The following ANO5 variants were observed in gnomAD, a reference collection of about 807,000 sequenced individuals.
The protein encoded by ANO5 is anoctamin-5.
Under a neutral mutation model 121.0 loss-of-function variants are expected in ANO5, and 109 were observed. The ratio of observed to expected loss-of-function variants is 0.90; its 90% CI spans 0.77 to 1.06. The LOEUF (loss-of-function observed/expected upper bound fraction) is 1.06. Ranked by LOEUF, ANO5 falls within the 50% of genes least tolerant of loss-of-function variation. The pLI, the probability that ANO5 is intolerant of heterozygous loss-of-function variation, is 0.00. For missense variants in ANO5, 1,064 were observed against 1,078.5 expected (o/e 0.99, Z 0.19); for synonymous variants, 406 against 359.9 (o/e 1.13, Z -1.45).
chr11:22,229,045 G>C (rs1221150055), intron 7 of ANO5, among the ~76,000 whole-genome samples: 1 of 151,686 alleles, frequency 6.6e-6, no homozygotes, highest in Non-Finnish European at 1.5e-5. Flanking sequence ...AATTTTTTGA[G>C]GACCGTCCAT....
At chr11:22,227,253 A>G in intron 6 of ANO5, 49 bp from the exon 7 acceptor site, 2 of 1,601,192 alleles carry the variant, frequency 1.2e-6, no homozygotes, top group African/African-American at 1.3e-5. Flanking sequence ...CAGCTCAATA[A>G]CAAACTGATC....
intron 18 of ANO5, 142 bp downstream of exon 18, chr11:22,270,584 T>C (rs1854573740): frequency 4.0e-6 from 5 of 1,239,094 alleles, no homozygotes; most frequent in Non-Finnish European, 5.7e-6. Flanking sequence ...TGGAGGGATA[T>C]AAAGAAAATT....
intron 8 of ANO5, among the ~76,000 whole-genome samples, chr11:22,239,250 G>A (rs1853340898): frequency 6.6e-6 from 1 of 152,064 alleles, no homozygotes; most frequent in African/African-American, 2.4e-5. Context: ...CTATCCAGCT[G>A]TATAGTGATA....
rs1554932860 is a variant in ANO5 at position 22,267,508 on chromosome 11, T to TTTTATATATATATATATATATATATATA, written c.1899-2803_1899-2802insTTATATATATATATATATATATATATAT. Among the ~76,000 whole-genome samples, 89 of 126,072 alleles carry TTTTATATATATATATATATATATATATA rather than the reference T, an allele frequency of 7.1e-4. 5 individuals are homozygous for TTTTATATATATATATATATATATATATA. The highest frequency in any genetic ancestry group is 4.0e-3 in the African/African-American group (86 of 21,510). 82.7% of individuals were successfully genotyped at this position (126,072 alleles called of 152,430 possible). A position where few individuals can be genotyped will look rare whatever the true frequency, so the allele number is the denominator to read the frequency against. Reference sequence around the variant, plus strand: ...CTACATACCATATAAATATCTACAATTATATATATATATATAAAATCTATC... The same window carrying TTTTATATATATATATATATATATATATA: ...CTACATACCATATAAATATCTACAATTTTATATATATATATATATATATATATATATATATATATATATAAAATCTATC... On this transcript the variant is annotated intron_variant, in intron 17 of 21. Transcript: ENST00000324559.
intron 3 of ANO5, among the ~76,000 whole-genome samples, chr11:22,217,817 A>G (rs1852499585): frequency 1.3e-5 from 2 of 151,964 alleles, no homozygotes; most frequent in Non-Finnish European, 2.9e-5. Flanking sequence ...AGGAAAAATA[A>G]CGACTGGGTA....
In ANO5 at chr11:22,279,979, C is replaced by G. The variant is rs1590342125; in HGVS notation, c.*214C>G. ...CTCTGCTTCATTGACTGGGCCCTCT[C>G]CAGATGTTGTTTTCTGAGGTGCTGT... On this transcript the variant is annotated 3_prime_UTR_variant, in exon 22 of 22. Coordinates refer to ENST00000324559, the MANE Select transcript of ANO5 (RefSeq NM_213599.3). The G allele has an allele frequency of 5.5e-6, 3 of 548,730 alleles. No homozygotes were observed. The East Asian group carries it at 9.3e-5, about 17-fold the overall frequency. The allele number at this position is 548,730 out of a possible 1,614,324, so 34.0% of individuals were successfully genotyped here.
intron 18 of ANO5, 54 bp downstream of exon 18, chr11:22,270,496 T>G: frequency 1.2e-6 from 2 of 1,606,608 alleles, no homozygotes; most frequent in Non-Finnish European, 1.7e-6. Context: ...GAGTGGTTTT[T>G]CAGCTCCAGA....
At chr11:22,255,149 A>T (rs1197615679) in intron 12 of ANO5, among the ~76,000 whole-genome samples, 1 of 152,152 alleles carries the variant, frequency 6.6e-6, no homozygotes, top group East Asian at 1.9e-4. Context: ...TGGACCACTG[A>T]CCAAGAAACT....
At chr11:22,213,243 C>A (rs1405114368) in intron 3 of ANO5, among the ~76,000 whole-genome samples, 1 of 151,808 alleles carries the variant, frequency 6.6e-6, no homozygotes, top group East Asian at 1.9e-4. Context: ...ATCCAGATTT[C>A]CTTAGTTTTC....
chr11:22,236,116 C>A, intron 7 of ANO5, 47 bp from the exon 8 acceptor site: 2 of 1,224,362 alleles, frequency 1.6e-6, no homozygotes, highest in Non-Finnish European at 2.4e-6. Flanking sequence ...ATGTGGAAAG[C>A]ATAAAGTTCT....
At chr11:22,218,830 T>C (rs1852547459) in intron 4 of ANO5, among the ~76,000 whole-genome samples, 1 of 152,054 alleles carries the variant, frequency 6.6e-6, no homozygotes, top group Non-Finnish European at 1.5e-5. Flanking sequence ...CTCAAAGTGC[T>C]GGGATTACAG....
At chr11:22,207,742 G>A (rs1852160883) in intron 2 of ANO5, among the ~76,000 whole-genome samples, 1 of 151,920 alleles carries the variant, frequency 6.6e-6, no homozygotes, top group Non-Finnish European at 1.5e-5. Context: ...TGAACAGACA[G>A]GCTACAGACT....
chr11:22,200,106 C>A lies in ANO5; in HGVS notation c.41-3698C>A, dbSNP rs553132758. On this transcript the variant is annotated intron_variant, in intron 1 of 21. Transcript: ENST00000324559. ...CATATTTCATTTTAAAATACCAAAACGTAATGCTAACATCATCACTGATCT... is the reference window on the plus strand; with the variant it reads ...CATATTTCATTTTAAAATACCAAAAAGTAATGCTAACATCATCACTGATCT... Among the ~76,000 whole-genome samples, 51 of 152,188 alleles carry A rather than the reference C, an allele frequency of 3.4e-4. No homozygotes were observed. The South Asian group carries it at 3.5e-3, about 11-fold the overall frequency.
intron 8 of ANO5, among the ~76,000 whole-genome samples, chr11:22,237,011 AT>A (rs1339219928): frequency 1.3e-5 from 2 of 152,140 alleles, no homozygotes; most frequent in African/African-American, 2.4e-5. Context: ...GGTGTTTTTG[AT>A]GGAAACCTTC....
At chr11:22,243,400 A>T (rs920477864) in intron 9 of ANO5, among the ~76,000 whole-genome samples, 1 of 151,904 alleles carries the variant, frequency 6.6e-6, no homozygotes, top group Admixed American at 6.6e-5. Context: ...TCTCTATCAG[A>T]TTTTGGTATC....
intron 9 of ANO5, among the ~76,000 whole-genome samples, chr11:22,240,159 G>A (rs1853380540): frequency 6.6e-6 from 1 of 151,914 alleles, no homozygotes; most frequent in South Asian, 2.1e-4. Flanking sequence ...ATAAGACAAA[G>A]GTTGTGTATG....
intron 3 of ANO5, among the ~76,000 whole-genome samples, chr11:22,215,645 A>T (rs1374644866): frequency 1.3e-5 from 2 of 151,970 alleles, no homozygotes; most frequent in African/African-American, 4.8e-5. Context: ...AACATGCATT[A>T]TATTCTTTTC....
At chr11:22,266,011 G>A (rs767879885) in intron 17 of ANO5, among the ~76,000 whole-genome samples, 6 of 152,144 alleles carry the variant, frequency 3.9e-5, no homozygotes, top group Non-Finnish European at 5.9e-5. Flanking sequence ...TGAAAGAGTA[G>A]TCTTTTTCGT....
intron 16 of ANO5, 54 bp from the exon 17 acceptor site, chr11:22,262,892 A>G: frequency 5.0e-6 from 7 of 1,410,734 alleles, no homozygotes; most frequent in Non-Finnish European, 7.0e-6. Flanking sequence ...AGGTGTTGCA[A>G]AATTCCATCT....
Sources: allele counts gnomAD v4.1 joint callset (sites outside exome capture counted in the v4.1 genomes callset), GRCh38; gene constraint gnomAD v4.1.1; transcripts MANE v1.5; gene names NCBI Gene and HGNC (gene_info 2026-07-23, HGNC 2026-07-21).